Variants in ACSM2B observed in about 807,000 individuals in gnomAD.
ACSM2B encodes the protein acyl-CoA synthetase medium chain family member 2B.
ACSM2B carries 58 observed loss-of-function variants against 78.6 expected under a neutral mutation model. The observed-to-expected ratio is 0.74, with a 90% CI of 0.60 to 0.92. The LOEUF (loss-of-function observed/expected upper bound fraction) is 0.92. ACSM2B is among the 40% of genes least tolerant of loss of function. The pLI, the probability that ACSM2B is intolerant of heterozygous loss-of-function variation, is 0.00. For synonymous variants in ACSM2B, 257 were observed against 256.8 expected, an observed-to-expected ratio of 1.00 and a Z score of -0.01; for missense variants, 688 against 711.2, an observed-to-expected ratio of 0.97 and a Z score of 0.37.
chr16:20,548,313 C>T, intron 7 of ACSM2B, 81 bp downstream of exon 7: 1 of 1,606,692 alleles, frequency 6.2e-7, no homozygotes, highest in South Asian at 1.1e-5. Context: ...GCGAGAGATT[C>T]AGATAGATAG....
chr16:20,549,396 A>G (rs1275037144), intron 6 of ACSM2B, among the ~76,000 whole-genome samples: 14 of 152,088 alleles, frequency 9.2e-5, no homozygotes, highest in Admixed American at 1.3e-4. Context: ...CAGAGTCCCA[A>G]GGAGGTTCGG....
intron 13 of ACSM2B, among the ~76,000 whole-genome samples, chr16:20,539,042 C>G (rs1505107): frequency 0.72 from 108,520 of 151,732 alleles, 40,411 homozygotes; most frequent in Non-Finnish European, 0.82. Flanking sequence ...CACCTGTGAC[C>G]GTAAAGACCC....
At chr16:20,552,384 G>A (rs2015342432) in intron 5 of ACSM2B, 87 bp from the exon 6 acceptor site, 4 of 1,520,328 alleles carry the variant, frequency 2.6e-6, no homozygotes, top group Non-Finnish European at 2.7e-6. Flanking sequence ...AGGAAAGGGA[G>A]GTGTGTGTGC....
intron 8 of ACSM2B, chr16:20,547,027 C>A: frequency 2.5e-6 from 2 of 804,146 alleles, no homozygotes; most frequent in Admixed American, 4.0e-5. Context: ...AATGAACCTT[C>A]CCAACAGAAT....
rs1426543992 is a variant in ACSM2B at position 20,548,166 on chromosome 16, G to T, written c.994C>A (p.Gln332Lys). Reference protein sequence around the residue: ...DLSSYKFPHLQNCLAGGESLL... With the variant: ...DLSSYKFPHLKNCLAGGESLL... Reference sequence around the variant, plus strand: ...GACTCCCCTCCAGCGAGGCAGTTCTGTAGATGGGGGAACTTGTAACTGAAG... The same window carrying T: ...GACTCCCCTCCAGCGAGGCAGTTCTTTAGATGGGGGAACTTGTAACTGAAG... The change falls in exon 8 of 14, where the codon CAG becomes AAG. Residue 332 changes from glutamine (Q) to lysine (K), a missense_variant. Transcript: ENST00000329697. 1 of 1,614,080 alleles carries T rather than the reference G, an allele frequency of 6.2e-7. No individual in the cohort carries two copies. The highest frequency in any genetic ancestry group is 1.7e-5 in the Admixed American group (1 of 60,024).
intron 5 of ACSM2B, 91 bp downstream of exon 5, chr16:20,553,686 G>A: frequency 2.0e-6 from 3 of 1,525,392 alleles, no homozygotes; most frequent in Non-Finnish European, 2.6e-6. Flanking sequence ...CCACAAGGTG[G>A]TGACACAGCC....
intron 1 of ACSM2B, among the ~76,000 whole-genome samples, chr16:20,568,831 T>C (rs1483942516): frequency 6.6e-6 from 1 of 151,962 alleles, no homozygotes; most frequent in Non-Finnish European, 1.5e-5. Context: ...ATGTTGAGCA[T>C]TTTTTCATAT....
chr16:20,553,558 T>A (rs538019615), intron 5 of ACSM2B, among the ~76,000 whole-genome samples: 1 of 152,208 alleles, frequency 6.6e-6, no homozygotes, highest in Non-Finnish European at 1.5e-5. Flanking sequence ...GCTTAACACA[T>A]GGAAGAAGTT....
intron 1 of ACSM2B, among the ~76,000 whole-genome samples, chr16:20,567,042 G>T (rs2015918597): frequency 7.5e-6 from 1 of 132,604 alleles, no homozygotes; most frequent in African/African-American, 2.8e-5. Context: ...TTCACTCAGA[G>T]TCAGAACAAG....
intron 1 of ACSM2B, among the ~76,000 whole-genome samples, chr16:20,566,880 T>C (rs2015910840): frequency 7.9e-6 from 1 of 127,154 alleles, no homozygotes; most frequent in South Asian, 2.2e-4. Flanking sequence ...TATCTCTATA[T>C]ATAATATATG....
chr16:20,548,303 G>A, intron 7 of ACSM2B, 91 bp downstream of exon 7: 5 of 1,605,346 alleles, frequency 3.1e-6, no homozygotes, highest in Non-Finnish European at 4.3e-6. Context: ...CTCTCTGTGT[G>A]CGAGAGATTC....
intron 1 of ACSM2B, among the ~76,000 whole-genome samples, chr16:20,566,686 A>C: frequency 2.1e-4 from 1 of 4,712 alleles, no homozygotes; most frequent in Non-Finnish European, 5.5e-4. Flanking sequence ...CATATAGTAT[A>C]TACTATATAT....
chr16:20,540,224 GTTT>G (rs67241828), intron 13 of ACSM2B, among the ~76,000 whole-genome samples: 34 of 77,438 alleles, frequency 4.4e-4, no homozygotes, highest in African/African-American at 5.9e-4. Flanking sequence ...TTTTTTTTTT[GTTT>G]TTTTTTTTTG....
At position 20,566,717 on chromosome 16, in the gene ACSM2B, A is replaced by ACTATATATAGTATATACT. The variant is rs1567218502; in HGVS notation, c.-8-1865_-8-1864insAGTATATACTATATATAG. On this transcript the variant is annotated intron_variant, in intron 1 of 13. Transcript: ENST00000329697. ...TATATAGTATATATATAGTATATAT[A>ACTATATATAGTATATACT]GTATATACTATATATAGTATATACT... Among the ~76,000 whole-genome samples, 6 of 6,862 alleles carry ACTATATATAGTATATACT rather than the reference A, an allele frequency of 8.7e-4. 1 individual carries two copies. Among genetic ancestry groups the ACTATATATAGTATATACT allele is most frequent in the African/African-American group, 2.4e-3 (6 of 2,546 alleles). 4.5% of individuals were successfully genotyped at this position (6,862 alleles called of 152,430 possible).
chr16:20,547,984 C>T (rs2015190436), intron 8 of ACSM2B, 78 bp downstream of exon 8: 1 of 1,596,268 alleles, frequency 6.3e-7, no homozygotes, highest in Non-Finnish European at 8.5e-7. Flanking sequence ...TACATGGTGG[C>T]TAACATGTTT....
chr16:20,566,741 C>T lies in ACSM2B; in HGVS notation c.-8-1888G>A, dbSNP rs796911737. ...TAGTATATACTATATATAGTATATA[C>T]TATATATACTATATATAGTATATAT... On this transcript the variant is annotated intron_variant, in intron 1 of 13. Transcript: ENST00000329697. Among the ~76,000 whole-genome samples the T allele has an allele frequency of 5.6e-4, 25 of 44,782 alleles. 1 individual carries two copies. The highest frequency in any genetic ancestry group is 0.024 in the Middle Eastern group (1 of 42). 29.4% of individuals were successfully genotyped at this position (44,782 alleles called of 152,430 possible).
chr16:20,544,752 G>T, intron 10 of ACSM2B: 1 of 986,660 alleles, frequency 1.0e-6, no homozygotes, highest in Non-Finnish European at 1.2e-6. Flanking sequence ...CAACTAGATG[G>T]TGAAGTCTCA....
chr16:20,551,445 C>A (rs561337541), intron 6 of ACSM2B, among the ~76,000 whole-genome samples: 1 of 152,048 alleles, frequency 6.6e-6, no homozygotes, highest in East Asian at 1.9e-4. Flanking sequence ...GATATACCAG[C>A]ACTGTCTCTC....
intron 13 of ACSM2B, among the ~76,000 whole-genome samples, chr16:20,539,025 C>G (rs9938995): frequency 6.6e-6 from 1 of 152,104 alleles, no homozygotes; most frequent in Admixed American, 6.5e-5. Context: ...TACATCCATA[C>G]CTGATCCACC....
Sources: gnomAD v4.1 joint callset for allele counts (sites outside exome capture counted in the v4.1 genomes callset) on GRCh38, gnomAD v4.1.1 for gene constraint, MANE v1.5 for transcripts, NCBI Gene and HGNC (gene_info 2026-07-23, HGNC 2026-07-21) for gene names.